SUGCT: variants seen among roughly 807,000 people sequenced by gnomAD.
The protein encoded by SUGCT is succinyl-CoA:glutarate CoA-transferase.
SUGCT carries 41 observed loss-of-function variants against 55.0 expected under a neutral mutation model. The ratio of observed to expected loss-of-function variants is 0.74; its 90% CI spans 0.58 to 0.97. The LOEUF is 0.97. SUGCT is among the 50% of genes least tolerant of loss of function. SUGCT has a pLI of 0.00. For synonymous variants in SUGCT, 187 were observed against 200.4 expected, an observed-to-expected ratio of 0.93 and a Z score of 0.56; for missense variants, 568 against 547.8, an observed-to-expected ratio of 1.04 and a Z score of -0.37.
chr7:40,649,570 A>G (rs1433932243), intron 12 of SUGCT, among the ~76,000 whole-genome samples: 1 of 152,084 alleles, frequency 6.6e-6, no homozygotes, highest in African/African-American at 2.4e-5. Context: ...TCTATCTTCT[A>G]TTTTCAGATT....
At position 40,136,947 on chromosome 7, in the gene SUGCT, A is replaced by G. The variant is rs186462288; in HGVS notation, c.100+1827A>G. The stretch of plus-strand genomic sequence containing the variant: ...GAGGTTGAAGCTGCAGTGATCCGCT[A>G]TTGTGCCACTGCACTCCAGCCTGGG... On this transcript the variant is annotated intron_variant, in intron 1 of 13. Transcript: ENST00000335693. Among the ~76,000 whole-genome samples, 106 of 151,864 alleles carry G rather than the reference A, an allele frequency of 7.0e-4. 2 individuals carry two copies. In the East Asian group the frequency reaches 0.015, roughly 21 times the overall value.
chr7:40,518,204 C>G (rs2151568425), intron 12 of SUGCT, among the ~76,000 whole-genome samples: 1 of 152,182 alleles, frequency 6.6e-6, no homozygotes, highest in South Asian at 2.1e-4. Flanking sequence ...AAATGAATGA[C>G]CACACTGAAA....
At chr7:41,030,227 A>G in the SUGCT span, among the ~76,000 whole-genome samples, 2 of 151,764 alleles carry the variant, frequency 1.3e-5, no homozygotes, top group African/African-American at 2.4e-5. Flanking sequence ...TTATGTGGAC[A>G]TAAGTTTTCC....
At chr7:40,390,226 A>G (rs1440005614) in intron 9 of SUGCT, among the ~76,000 whole-genome samples, 1 of 152,236 alleles carries the variant, frequency 6.6e-6, no homozygotes, top group African/African-American at 2.4e-5. Flanking sequence ...AACTGGCACA[A>G]GACAGGGATG....
chr7:40,296,934 A>C (rs539644562), intron 8 of SUGCT, among the ~76,000 whole-genome samples: 2 of 152,126 alleles, frequency 1.3e-5, no homozygotes, highest in South Asian at 2.1e-4. Context: ...TATGACCCTC[A>C]AGCAAGTCAT....
rs868644538 is a variant in SUGCT, at chr7:40,651,635, T to C, written c.1090-97799T>C. ...CTTACACATGACTTTCTTCATCTCA[T>C]AGAATTTTTTTAATCTTTTATCTTT... On this transcript the variant is annotated intron_variant, in intron 12 of 13. Transcript: ENST00000335693. 5.3e-5 allele frequency among the ~76,000 whole-genome samples: 8 copies of C among 152,320 alleles called. No individual in the cohort carries two copies. The South Asian group carries it at 1.0e-3, about 20-fold the overall frequency.
the SUGCT span, among the ~76,000 whole-genome samples, chr7:40,931,543 G>A: frequency 4.6e-5 from 7 of 152,080 alleles, no homozygotes; most frequent in African/African-American, 7.2e-5. Flanking sequence ...CTGTAAATCT[G>A]TCTGGTCCTG....
At chr7:40,260,193 G>C (rs1183216019) in intron 7 of SUGCT, among the ~76,000 whole-genome samples, 4 of 152,032 alleles carry the variant, frequency 2.6e-5, no homozygotes, top group South Asian at 2.1e-4. Flanking sequence ...TATTAGATTT[G>C]TTTTGCCATT....
intron 13 of SUGCT, among the ~76,000 whole-genome samples, chr7:40,819,876 G>A (rs1791887695): frequency 6.6e-6 from 1 of 152,130 alleles, no homozygotes; most frequent in Non-Finnish European, 1.5e-5. Context: ...TTCTTCTAGG[G>A]TTTTTATGGT....
intron 7 of SUGCT, among the ~76,000 whole-genome samples, chr7:40,253,671 C>T (rs1790600937): frequency 6.6e-6 from 1 of 152,086 alleles, no homozygotes; most frequent in African/African-American, 2.4e-5. Flanking sequence ...CTGGACAGAG[C>T]CACCACGCAC....
At chr7:40,178,256 A>G (rs1299016949) in intron 1 of SUGCT, among the ~76,000 whole-genome samples, 1 of 152,100 alleles carries the variant, frequency 6.6e-6, no homozygotes, top group Non-Finnish European at 1.5e-5. Context: ...CTGCTTCCAT[A>G]TGGTGTCCTT....
chr7:40,389,744 G>A (rs1252351748), intron 9 of SUGCT, among the ~76,000 whole-genome samples: 1 of 152,106 alleles, frequency 6.6e-6, no homozygotes, highest in Admixed American at 6.6e-5. Context: ...TTTCAATCCA[G>A]TTCTTTGTGA....
intron 12 of SUGCT, among the ~76,000 whole-genome samples, chr7:40,567,240 A>C (rs948208133): frequency 2.0e-5 from 3 of 152,242 alleles, no homozygotes; most frequent in Non-Finnish European, 4.4e-5. Context: ...TGCTTAAAGC[A>C]GGTTTTCTTC....
chr7:40,756,588 T>C (rs1788263590), intron 13 of SUGCT, among the ~76,000 whole-genome samples: 1 of 152,182 alleles, frequency 6.6e-6, no homozygotes, highest in Admixed American at 6.5e-5. Flanking sequence ...AAAGTGCAGT[T>C]AAATTTCTAT....
At chr7:40,437,459 T>C (rs7785515) in intron 9 of SUGCT, among the ~76,000 whole-genome samples, 46,686 of 152,118 alleles carry the variant, frequency 0.31, 7,570 homozygotes, top group Non-Finnish European at 0.36. Context: ...AGCAATGAGC[T>C]CTCAACATGG....
At chr7:40,712,907 T>G (rs1785801220) in intron 12 of SUGCT, among the ~76,000 whole-genome samples, 1 of 152,276 alleles carries the variant, frequency 6.6e-6, no homozygotes, top group African/African-American at 2.4e-5. Flanking sequence ...GACTTGATAG[T>G]AAAACGTCTT....
intron 13 of SUGCT, among the ~76,000 whole-genome samples, chr7:40,792,699 C>T (rs1790373289): frequency 6.6e-6 from 1 of 152,074 alleles, no homozygotes; most frequent in Non-Finnish European, 1.5e-5. Flanking sequence ...CTTCATGTGA[C>T]AGCAGTATAC....
chr7:40,333,602 A>G lies in SUGCT; in HGVS notation c.816+16747A>G, dbSNP rs1294272245. Among the ~76,000 whole-genome samples the G allele has an allele frequency of 1.1e-4, 14 of 128,968 alleles. No individual in the cohort carries two copies. The South Asian group carries it at 3.0e-3, about 28-fold the overall frequency. The allele number at this position is 128,968 out of a possible 152,430, so 84.6% of individuals were successfully genotyped here. ...TAGTGAGCCAAGATCACACCACTGC[A>G]CTCCAGCCTGGGTGACAGGGCGAGA... On this transcript the variant is annotated intron_variant, in intron 9 of 13. Transcript: ENST00000335693.
At chr7:40,197,344 A>G (rs1584317303) in intron 6 of SUGCT, among the ~76,000 whole-genome samples, 1 of 152,350 alleles carries the variant, frequency 6.6e-6, no homozygotes, top group African/African-American at 2.4e-5. Context: ...TTGAGGTTTA[A>G]AATCTTAATA....
Sources: allele counts gnomAD v4.1 joint callset (sites outside exome capture counted in the v4.1 genomes callset), GRCh38; gene constraint gnomAD v4.1.1; transcripts MANE v1.5; gene names NCBI Gene and HGNC (gene_info 2026-07-23, HGNC 2026-07-21).